MB21D2: variants seen among roughly 807,000 people sequenced by gnomAD.
MB21D2 encodes the protein nucleotidyltransferase MB21D2.
MB21D2 carries 9 observed loss-of-function variants against 33.3 expected under a neutral mutation model. That is an observed-to-expected ratio of 0.27 (90% confidence interval 0.16 to 0.47). The LOEUF (loss-of-function observed/expected upper bound fraction) is 0.47. Ranked by LOEUF, MB21D2 falls within the 20% of genes least tolerant of loss-of-function variation. The pLI, the probability that MB21D2 is intolerant of heterozygous loss-of-function variation, is 0.99. For synonymous variants in MB21D2, 241 were observed against 236.3 expected (o/e 1.02, Z -0.18); for missense variants, 540 against 624.6 (o/e 0.86, Z 1.44).
chr3:192,804,535 TTAGA>T (rs1167914915), intron 1 of MB21D2, among the ~76,000 whole-genome samples: 1 of 152,038 alleles, frequency 6.6e-6, no homozygotes, highest in African/African-American at 2.4e-5. Context: ...AGTTACAAAA[TTAGA>T]TAAATTTTAT....
At chr3:192,818,156 T>A (rs942657696) in intron 1 of MB21D2, among the ~76,000 whole-genome samples, 1 of 152,162 alleles carries the variant, frequency 6.6e-6, no homozygotes, top group African/African-American at 2.4e-5. Context: ...GCATTTGTAC[T>A]ACAGCTATTT....
chr3:192,820,375 A>G (rs1490287404), intron 1 of MB21D2, among the ~76,000 whole-genome samples: 2 of 152,182 alleles, frequency 1.3e-5, no homozygotes, highest in Non-Finnish European at 1.5e-5. Flanking sequence ...GGATAATACA[A>G]AATGTAATTT....
intron 1 of MB21D2, among the ~76,000 whole-genome samples, chr3:192,884,804 C>T (rs991647915): frequency 3.9e-5 from 6 of 152,052 alleles, no homozygotes; most frequent in Non-Finnish European, 8.8e-5. Flanking sequence ...ATGACACCCA[C>T]CACAGCACCC....
In MB21D2 at chr3:192,799,615, C is replaced by T; in HGVS notation, c.247G>A (p.Ala83Thr). ...CCAGAGAGCAACAGGTATTCATTAG[C>T]CACTGGAAGCTTTTGGTCCAGCTTT... Reference protein sequence around the residue: ...VQKLDQKLPVANEYLLLSGGV... With the variant: ...VQKLDQKLPVTNEYLLLSGGV... Residue 83 changes from alanine to threonine, a missense_variant, in exon 2 of 2, where the codon GCT becomes ACT. Physicochemically the swap from Ala to Thr is moderately conservative, Grantham distance 58. Transcript: ENST00000392452. The surrounding 1 kb of genome is among the most constrained non-coding windows in gnomAD (Gnocchi z 4.1). The T allele has an allele frequency of 6.2e-7, 1 of 1,613,940 alleles. No individual in the cohort carries two copies. The highest frequency in any genetic ancestry group is 8.5e-7 in the Non-Finnish European group (1 of 1,179,958).
At chr3:192,869,721 C>T (rs1271924189) in intron 1 of MB21D2, among the ~76,000 whole-genome samples, 1 of 152,180 alleles carries the variant, frequency 6.6e-6, no homozygotes, top group Non-Finnish European at 1.5e-5. Context: ...ATGGCCAGTT[C>T]TGCAGGAAGG....
At chr3:192,870,059 T>C (rs1183557185) in intron 1 of MB21D2, among the ~76,000 whole-genome samples, 1 of 152,204 alleles carries the variant, frequency 6.6e-6, no homozygotes, top group African/African-American at 2.4e-5. Flanking sequence ...CTAATAATTA[T>C]CATCATGAAA....
intron 1 of MB21D2, among the ~76,000 whole-genome samples, chr3:192,814,004 C>G (rs914531671): frequency 6.6e-6 from 1 of 152,182 alleles, no homozygotes; most frequent in African/African-American, 2.4e-5. Flanking sequence ...AATCAATTTT[C>G]CACATGGCTT....
chr3:192,807,334 CAAAAAA>C (rs34151496), intron 1 of MB21D2, among the ~76,000 whole-genome samples: 1 of 129,208 alleles, frequency 7.7e-6, no homozygotes, highest in African/African-American at 2.7e-5. Context: ...CTTGAAAGGC[CAAAAAA>C]AAAAAAAAAA....
intron 1 of MB21D2, among the ~76,000 whole-genome samples, chr3:192,845,933 T>A (rs1328122593): frequency 9.0e-5 from 12 of 133,000 alleles, no homozygotes. Context: ...AAAAAATAAC[T>A]TAACTGGGCA....
At chr3:192,824,216 G>A (rs1430203288) in intron 1 of MB21D2, among the ~76,000 whole-genome samples, 2 of 152,132 alleles carry the variant, frequency 1.3e-5, no homozygotes, top group African/African-American at 4.8e-5. Context: ...GGCCCTCATA[G>A]TAAAAATTCA....
chr3:192,812,353 A>T (rs1437973970), intron 1 of MB21D2, among the ~76,000 whole-genome samples: 5 of 151,766 alleles, frequency 3.3e-5, no homozygotes, highest in African/African-American at 1.2e-4. Context: ...TTTTTAGTGT[A>T]GTGTTTACAC....
chr3:192,864,606 A>G (rs761612260), intron 1 of MB21D2, among the ~76,000 whole-genome samples: 40 of 152,124 alleles, frequency 2.6e-4, no homozygotes, highest in Non-Finnish European at 5.3e-4. Flanking sequence ...TCCTGGGTTC[A>G]AGCGATTCTC....
chr3:192,806,759 T>C (rs1176044288), intron 1 of MB21D2, among the ~76,000 whole-genome samples: 1 of 152,212 alleles, frequency 6.6e-6, no homozygotes, highest in Non-Finnish European at 1.5e-5. Context: ...ATCTAAAAGA[T>C]GGGAAGAGAA....
rs143909064 is a variant in MB21D2, at chr3:192,806,906, A to C, written c.212-7256T>G. Among the ~76,000 whole-genome samples, 86 of 152,308 alleles carry C rather than the reference A, an allele frequency of 5.6e-4. 1 individual carries two copies. Among genetic ancestry groups the C allele is most frequent in the African/African-American group, 2.0e-3 (85 of 41,560 alleles). On this transcript the variant is annotated intron_variant, in intron 1 of 1. Coordinates refer to ENST00000392452, the MANE Select transcript of MB21D2 (RefSeq NM_178496.4). ...TGAGTTAGACCTGGATTCGAGTCCA[A>C]TTCATTTATGACCAACATCAACCAC...
intron 1 of MB21D2, among the ~76,000 whole-genome samples, chr3:192,876,732 TG>T (rs1289420252): frequency 2.0e-5 from 3 of 152,230 alleles, no homozygotes; most frequent in African/African-American, 7.2e-5. Flanking sequence ...CCTGGGTTCA[TG>T]GCCTTTGAAC....
intron 1 of MB21D2, among the ~76,000 whole-genome samples, chr3:192,898,248 A>C (rs73066224): frequency 0.026 from 3,824 of 147,902 alleles, 127 homozygotes; most frequent in African/African-American, 0.066. Flanking sequence ...TGGAGATGGG[A>C]TCTCACTATA....
chr3:192,849,385 T>C (rs888739198), intron 1 of MB21D2, among the ~76,000 whole-genome samples: 2 of 150,044 alleles, frequency 1.3e-5, no homozygotes, highest in Admixed American at 6.7e-5. Context: ...TGGCGCGATC[T>C]CGGCTCACTG....
At chr3:192,801,055 G>A (rs1711553086) in intron 1 of MB21D2, among the ~76,000 whole-genome samples, 1 of 152,166 alleles carries the variant, frequency 6.6e-6, no homozygotes, top group South Asian at 2.1e-4. Context: ...CATGTCTCAT[G>A]TATTAAGCAG....
chr3:192,917,575 C>T, intron 1 of MB21D2, 55 bp downstream of exon 1: 3 of 1,590,316 alleles, frequency 1.9e-6, no homozygotes, highest in Admixed American at 1.7e-5. Flanking sequence ...GTTTTCTACT[C>T]CGCTTCCCAT....
Sources: allele counts gnomAD v4.1 joint callset (sites outside exome capture counted in the v4.1 genomes callset), GRCh38; gene constraint gnomAD v4.1.1; non-coding constraint Gnocchi (gnomAD v3.1); transcripts MANE v1.5; gene names NCBI Gene and HGNC (gene_info 2026-07-23, HGNC 2026-07-21).